XYLT1: variants seen among roughly 807,000 people sequenced by gnomAD.
XYLT1 encodes the protein xylosyltransferase 1.
XYLT1 carries 36 observed loss-of-function variants against 91.3 expected under a neutral mutation model. That is an observed-to-expected ratio of 0.39 (90% confidence interval 0.30 to 0.52). XYLT1 has a LOEUF of 0.52. XYLT1 is among the 20% of genes least tolerant of loss of function. The pLI is 0.68. For synonymous variants in XYLT1, 588 were observed against 532.0 expected (o/e 1.11, Z -1.45); for missense variants, 1,242 against 1,284.5 (o/e 0.97, Z 0.51).
At chr16:17,199,062 A>G in intron 4 of XYLT1, among the ~76,000 whole-genome samples, 1 of 152,146 alleles carries the variant, frequency 6.6e-6, no homozygotes, top group Non-Finnish European at 1.5e-5. Context: ...ATTCATATAC[A>G]TGACAGCTGC....
intron 2 of XYLT1, among the ~76,000 whole-genome samples, chr16:17,310,652 C>G (rs968897600): frequency 6.6e-6 from 1 of 152,188 alleles, no homozygotes; most frequent in East Asian, 1.9e-4. Flanking sequence ...AGTTCAAGAC[C>G]AGCCTGGCTA....
At chr16:17,400,579 G>C (rs2035950400) in intron 1 of XYLT1, among the ~76,000 whole-genome samples, 1 of 135,698 alleles carries the variant, frequency 7.4e-6, no homozygotes, top group Admixed American at 7.7e-5. Flanking sequence ...GACAGAAAGA[G>C]ACTCCATCTC....
At chr16:17,145,169 G>T (rs983638142) in intron 6 of XYLT1, among the ~76,000 whole-genome samples, 1 of 152,308 alleles carries the variant, frequency 6.6e-6, no homozygotes, top group Middle Eastern at 3.4e-3. Context: ...ATGTTTTCCA[G>T]GTTCATCCAT....
At position 17,259,493 on chromosome 16, in the gene XYLT1, G is replaced by A. The variant is rs1184032610; in HGVS notation, c.408C>T (p.Gly136=). The A allele has an allele frequency of 1.9e-6, 3 of 1,605,930 alleles. No individual in the cohort carries two copies. The highest frequency in any genetic ancestry group is 1.7e-6 in the Non-Finnish European group (2 of 1,177,228). ...TCTCTTTCGGCCGATGAGAAAAGTA[G>A]CCATCCTGGAGAAGAGGGGAGAGAA... The part of the protein sequence containing the change: ...SPLITLETQD[G]YFSHRPKEKV... Residue 136 remains glycine, a synonymous_variant, in exon 3 of 12, where the codon GGC becomes GGT. Transcript: ENST00000261381.
chr16:17,171,294 C>G (rs2031814328), intron 5 of XYLT1, among the ~76,000 whole-genome samples: 1 of 152,106 alleles, frequency 6.6e-6, no homozygotes, highest in Admixed American at 6.5e-5. Flanking sequence ...GATTTCAGCC[C>G]CAAGGTGAGA....
chr16:17,127,270 T>C (rs2030294412), intron 10 of XYLT1, among the ~76,000 whole-genome samples: 1 of 152,220 alleles, frequency 6.6e-6, no homozygotes, highest in African/African-American at 2.4e-5. Flanking sequence ...ATAGGATTTG[T>C]GGCCAAAGAG....
chr16:17,383,421 T>C lies in XYLT1; in HGVS notation c.364-25371A>G, dbSNP rs2035705922. 1.3e-5 allele frequency among the ~76,000 whole-genome samples: 2 copies of C among 151,850 alleles called. 1 individual carries two copies. The highest frequency in any genetic ancestry group is 1.3e-4 in the Admixed American group (2 of 15,152). On this transcript the variant is annotated intron_variant, in intron 1 of 11. Transcript: ENST00000261381. ...CACGACTCTATCCTGTAATTACTTC[T>C]CTCTAAGCACCCATCTTCCTCACTC...
intron 1 of XYLT1, among the ~76,000 whole-genome samples, chr16:17,365,338 C>T (rs1241782805): frequency 6.6e-6 from 1 of 152,120 alleles, no homozygotes; most frequent in East Asian, 1.9e-4. Flanking sequence ...CACACTGGCT[C>T]CTAAGACGAA....
At chr16:17,402,576 T>C (rs1257703565) in intron 1 of XYLT1, among the ~76,000 whole-genome samples, 1 of 152,092 alleles carries the variant, frequency 6.6e-6, no homozygotes, top group African/African-American at 2.4e-5. Flanking sequence ...TGTTGGAGCA[T>C]ACAGTTCCTC....
chr16:17,406,623 T>C (rs2036036193), intron 1 of XYLT1, among the ~76,000 whole-genome samples: 1 of 152,188 alleles, frequency 6.6e-6, no homozygotes, highest in Non-Finnish European at 1.5e-5. Flanking sequence ...GGAAAGCAGA[T>C]GGGAAGACAA....
At chr16:17,141,476 G>C in intron 6 of XYLT1, 107 bp from the exon 7 acceptor site, 1 of 1,105,896 alleles carries the variant, frequency 9.0e-7, no homozygotes, top group East Asian at 2.6e-5. Flanking sequence ...CAATTATTGA[G>C]TGCCTGCTGT....
intron 3 of XYLT1, among the ~76,000 whole-genome samples, chr16:17,223,466 A>G (rs2033008861): frequency 6.6e-6 from 1 of 152,274 alleles, no homozygotes. Context: ...TCTTGCCAAG[A>G]GGCTGTGCTT....
intron 5 of XYLT1, among the ~76,000 whole-genome samples, chr16:17,173,766 G>A (rs1269262269): frequency 6.6e-6 from 1 of 152,220 alleles, no homozygotes; most frequent in Non-Finnish European, 1.5e-5. Flanking sequence ...TCGGCAAAAG[G>A]TGAAATAGGT....
chr16:17,343,506 T>C (rs932557921), intron 2 of XYLT1, among the ~76,000 whole-genome samples: 5 of 152,322 alleles, frequency 3.3e-5, no homozygotes, highest in African/African-American at 1.2e-4. Context: ...GATCTCGCTC[T>C]ATCACCCAGG....
chr16:17,330,016 A>G (rs1430984937), intron 2 of XYLT1, among the ~76,000 whole-genome samples: 1 of 152,128 alleles, frequency 6.6e-6, no homozygotes, highest in East Asian at 1.9e-4. Flanking sequence ...GGGTTAAATG[A>G]GAACAGTATT....
At chr16:17,275,023 A>C (rs975315481) in intron 2 of XYLT1, among the ~76,000 whole-genome samples, 1 of 152,072 alleles carries the variant, frequency 6.6e-6, no homozygotes, top group South Asian at 2.1e-4. Flanking sequence ...CTGAAAATAC[A>C]AAAATTAGCT....
In XYLT1 at chr16:17,272,528, T is replaced by C. The variant is rs1019649870; in HGVS notation, c.403-13030A>G. Among the ~76,000 whole-genome samples, 10 of 152,176 alleles carry C rather than the reference T, an allele frequency of 6.6e-5. No homozygotes were observed. The South Asian group carries it at 8.3e-4, about 13-fold the overall frequency. ...AATGGCTCCTTCAGGCACACAGGTG[T>C]CTGGTTCACTCTGTAGACTGTTTTC... On this transcript the variant is annotated intron_variant, in intron 2 of 11. Transcript: ENST00000261381.
intron 10 of XYLT1, among the ~76,000 whole-genome samples, chr16:17,125,915 C>T (rs1464097443): frequency 1.3e-5 from 2 of 152,140 alleles, no homozygotes; most frequent in South Asian, 2.1e-4. Context: ...TCCAAGTCAA[C>T]AGCATGAGAT....
rs373124087 is a variant in XYLT1 at position 17,300,960 on chromosome 16, G to C, written c.403-41462C>G. ...TTTCTCATTAGCTGTGCAACTCTGG[G>C]TATGTTACTTTACCTCTCTGGGCCT... is the stretch of plus-strand genomic sequence containing the variant. On this transcript the variant is annotated intron_variant, in intron 2 of 11. Coordinates refer to ENST00000261381, the MANE Select transcript of XYLT1 (RefSeq NM_022166.4). 8.5e-5 allele frequency among the ~76,000 whole-genome samples: 13 copies of C among 152,154 alleles called. No individual in the cohort carries two copies. The East Asian group carries it at 1.2e-3, about 14-fold the overall frequency.
Sources: gnomAD v4.1 joint callset for allele counts (sites outside exome capture counted in the v4.1 genomes callset) on GRCh38, gnomAD v4.1.1 for gene constraint, MANE v1.5 for transcripts, NCBI Gene and HGNC (gene_info 2026-07-23, HGNC 2026-07-21) for gene names.